The following CSMD1 variants were observed in gnomAD, a reference collection of about 807,000 sequenced individuals.
CSMD1 encodes the protein CUB and sushi domain-containing protein 1.
Under a neutral mutation model 417.5 loss-of-function variants are expected in CSMD1, and 213 were observed. That is an observed-to-expected ratio of 0.51 (90% CI 0.46 to 0.57). The LOEUF is 0.57. CSMD1 is among the 20% of genes least tolerant of loss of function. CSMD1 has a pLI of 0.00. For missense variants in CSMD1, 6,923 were observed against 4,529.7 expected (o/e 1.53, Z -15.17); for synonymous variants, 2,862 against 1,736.8 (o/e 1.65, Z -16.11).
chr8:4,754,548 T>C (rs934358276), intron 1 of CSMD1, among the ~76,000 whole-genome samples: 1 of 151,838 alleles, frequency 6.6e-6, no homozygotes, highest in South Asian at 2.1e-4. Context: ...CACTTTGTTT[T>C]TTTTTTTTTA....
rs566923612 is a variant in CSMD1, at chr8:4,229,961, C to G, written c.415+189992G>C. Among the ~76,000 whole-genome samples, 4 of 152,290 alleles carry G rather than the reference C, an allele frequency of 2.6e-5. No homozygotes were observed. In the East Asian group the frequency reaches 7.7e-4, roughly 29 times the overall value. ...ACATTCTAATATCAAGAGACTTTTA[C>G]GTCCTAAAGCCGACATTATAACACT... On this transcript the variant is annotated intron_variant, in intron 3 of 69. Coordinates refer to ENST00000635120, the MANE Select transcript of CSMD1 (RefSeq NM_033225.6).
At chr8:4,920,742 G>C (rs1806381785) in intron 1 of CSMD1, among the ~76,000 whole-genome samples, 1 of 151,794 alleles carries the variant, frequency 6.6e-6, no homozygotes, top group Admixed American at 6.6e-5. Flanking sequence ...AGAATCACTT[G>C]AACCCAGGAG....
At chr8:3,407,734 T>C (rs79433179) in intron 14 of CSMD1, among the ~76,000 whole-genome samples, 165 bp downstream of exon 14, 7,237 of 152,290 alleles carry the variant, frequency 0.048, 235 homozygotes, top group Non-Finnish European at 0.069. Context: ...CATTTGTTTT[T>C]AAGTTTTCAG....
chr8:3,494,499 G>C (rs191262598), intron 10 of CSMD1, among the ~76,000 whole-genome samples: 4 of 152,252 alleles, frequency 2.6e-5, no homozygotes, highest in Admixed American at 2.6e-4. Context: ...AGGAATGATA[G>C]ATAGATGATA....
chr8:4,143,673 G>A (rs909248234), intron 3 of CSMD1, among the ~76,000 whole-genome samples: 2 of 150,962 alleles, frequency 1.3e-5, no homozygotes, highest in East Asian at 3.9e-4. Flanking sequence ...CAGGTTCTTG[G>A]CATTTAGAAT....
intron 22 of CSMD1, among the ~76,000 whole-genome samples, chr8:3,345,677 C>T (rs1340220785): frequency 6.6e-6 from 1 of 152,114 alleles, no homozygotes; most frequent in South Asian, 2.1e-4. Context: ...TTAATACAAG[C>T]CTGTAAGTAT....
chr8:4,317,137 G>T (rs1488688106), intron 3 of CSMD1, among the ~76,000 whole-genome samples: 1 of 152,222 alleles, frequency 6.6e-6, no homozygotes, highest in South Asian at 2.1e-4. Context: ...ATCATCTAAG[G>T]TTGAATAATA....
At chr8:4,396,582 C>A (rs866776974) in intron 3 of CSMD1, among the ~76,000 whole-genome samples, 1 of 151,856 alleles carries the variant, frequency 6.6e-6, no homozygotes, top group South Asian at 2.1e-4. Context: ...AGCCTAAATG[C>A]CCATCAAGCA....
chr8:4,296,351 C>T (rs571742579), intron 3 of CSMD1, among the ~76,000 whole-genome samples: 1 of 152,102 alleles, frequency 6.6e-6, no homozygotes, highest in African/African-American at 2.4e-5. Context: ...ACTATAAACT[C>T]ATGTATATTT....
intron 2 of CSMD1, among the ~76,000 whole-genome samples, chr8:4,456,025 TCTC>T (rs1334583728): frequency 7.4e-6 from 1 of 136,008 alleles, no homozygotes; most frequent in African/African-American, 2.8e-5. Context: ...CACAGTCCAT[TCTC>T]CTCTTCAAGT....
At chr8:3,676,297 C>T (rs1218447436) in intron 7 of CSMD1, among the ~76,000 whole-genome samples, 1 of 152,110 alleles carries the variant, frequency 6.6e-6, no homozygotes, top group African/African-American at 2.4e-5. Flanking sequence ...GGCCCTGGGG[C>T]AAGTTCCTAA....
chr8:3,344,006 G>A (rs1208607059), intron 22 of CSMD1, among the ~76,000 whole-genome samples: 1 of 152,166 alleles, frequency 6.6e-6, no homozygotes, highest in African/African-American at 2.4e-5. Flanking sequence ...ATCTCATCAT[G>A]CAATAGTAAT....
intron 6 of CSMD1, among the ~76,000 whole-genome samples, chr8:3,722,080 T>A (rs558381667): frequency 6.6e-6 from 1 of 152,242 alleles, no homozygotes; most frequent in East Asian, 1.9e-4. Flanking sequence ...AAGTGGCTCA[T>A]GCCTGTAATC....
In CSMD1 at chr8:2,962,628, C is replaced by T. The variant is rs761247550; in HGVS notation, c.9466G>A (p.Gly3156Arg). 1.7e-5 allele frequency: 28 copies of T among 1,613,626 alleles called. No homozygotes were observed. Among genetic ancestry groups the T allele is most frequent in the East Asian group, 6.7e-5 (3 of 44,824 alleles). ...EIPQCLPVFC[G>R]DPGIPAEGRL... ...CCTTCTGCGGGGATGCCAGGGTCTC[C>T]GCAGAACACAGCTATGGAAGATAAC... Residue 3156 changes from glycine (G) to arginine (R), a missense_variant, in exon 61 of 70, where the codon GGA becomes AGA. Gly to Arg is a moderately radical substitution (Grantham distance 125). Coordinates refer to ENST00000635120, the MANE Select transcript of CSMD1 (RefSeq NM_033225.6).
intron 54 of CSMD1, among the ~76,000 whole-genome samples, chr8:2,982,159 C>A (rs1805479936): frequency 6.6e-6 from 1 of 152,104 alleles, no homozygotes; most frequent in Admixed American, 6.5e-5. Flanking sequence ...AGTTCGAGAC[C>A]AGCCTGGCCA....
intron 3 of CSMD1, among the ~76,000 whole-genome samples, chr8:4,177,656 A>G (rs2656292): frequency 0.98 from 136,706 of 139,140 alleles, 67,233 homozygotes; most frequent in Middle Eastern, 1. Flanking sequence ...TTTTTTGAAA[A>G]GATCAACAAA....
intron 2 of CSMD1, among the ~76,000 whole-genome samples, chr8:4,421,911 C>G (rs949841212): frequency 6.6e-6 from 1 of 151,888 alleles, no homozygotes. Context: ...AAAAGACTGA[C>G]TAAATAATTG....
chr8:3,898,368 G>T (rs1807506663), intron 5 of CSMD1, among the ~76,000 whole-genome samples: 1 of 152,096 alleles, frequency 6.6e-6, no homozygotes, highest in African/African-American at 2.4e-5. Context: ...TATATGGCAT[G>T]ATCTGTTATG....
chr8:3,977,765 A>G (rs1190165762), intron 5 of CSMD1, among the ~76,000 whole-genome samples: 1 of 152,226 alleles, frequency 6.6e-6, no homozygotes, highest in Non-Finnish European at 1.5e-5. Context: ...ATCTGCATGT[A>G]TGCTTAGTTA....
Sources: allele counts gnomAD v4.1 joint callset (sites outside exome capture counted in the v4.1 genomes callset), GRCh38; gene constraint gnomAD v4.1.1; transcripts MANE v1.5; gene names NCBI Gene and HGNC (gene_info 2026-07-23, HGNC 2026-07-21).